The following BRAF variants were observed in gnomAD, a reference collection of about 807,000 sequenced individuals.
BRAF encodes B-Raf proto-oncogene, serine/threonine kinase, also known as serine/threonine-protein kinase B-raf.
Under a neutral mutation model 104.6 loss-of-function variants are expected in BRAF, and 16 were observed. That is an observed-to-expected ratio of 0.15 (90% CI 0.10 to 0.23). The LOEUF is 0.23. BRAF is among the 10% of genes least tolerant of loss of function. The pLI, the probability that BRAF is intolerant of heterozygous loss-of-function variation, is 1.00. For missense variants in BRAF, 541 were observed against 937.3 expected (o/e 0.58, Z 5.52); for synonymous variants, 310 against 341.6 (o/e 0.91, Z 1.02).
chr7:140,780,771 A>C (rs1290830453), intron 12 of BRAF: 1 of 152,168 alleles, frequency 6.6e-6, no homozygotes, highest in Non-Finnish European at 1.5e-5. Flanking sequence ...CATTGATATT[A>C]AACCTTTGAT....
intron 1 of BRAF, among the ~76,000 whole-genome samples, chr7:140,871,145 C>G (rs925640452): frequency 1.4e-5 from 2 of 143,386 alleles, no homozygotes; most frequent in Non-Finnish European, 3.1e-5. Flanking sequence ...GGGAGGGTGA[C>G]GCGGGAGAAT....
intron 18 of BRAF, among the ~76,000 whole-genome samples, chr7:140,736,493 T>A (rs993201556): frequency 2.0e-5 from 3 of 150,348 alleles, no homozygotes; most frequent in Non-Finnish European, 3.0e-5. Context: ...AATGGTGCGA[T>A]CTCGGCTCAC....
At chr7:140,870,584 T>C (rs1811465372) in intron 1 of BRAF, among the ~76,000 whole-genome samples, 1 of 151,624 alleles carries the variant, frequency 6.6e-6, no homozygotes, top group Non-Finnish European at 1.5e-5. Flanking sequence ...TAGCTCTTTT[T>C]ACTTCCAAGT....
chr7:140,818,277 T>C (rs894534182), intron 3 of BRAF, among the ~76,000 whole-genome samples: 1 of 152,064 alleles, frequency 6.6e-6, no homozygotes, highest in Non-Finnish European at 1.5e-5. Flanking sequence ...AGCTGTTTAA[T>C]ATATTGTCCT....
intron 1 of BRAF, among the ~76,000 whole-genome samples, chr7:140,896,670 A>G (rs1023514458): frequency 2.0e-5 from 3 of 152,084 alleles, no homozygotes; most frequent in Non-Finnish European, 4.4e-5. Context: ...GTTCGAGACC[A>G]GCCTGACCAA....
rs1409302232 is a variant in BRAF at position 140,754,354 on chromosome 7, C to T, written c.1815-121G>A. On this transcript the variant is annotated intron_variant, in intron 14 of 19. Transcript: ENST00000644969. ...AATCATGATACAACTGAAAATAGTA[C>T]ATTGTAATAAACCCTTCACAGAATA... 7.3e-6 allele frequency: 6 copies of T among 823,298 alleles called. No individual in the cohort carries two copies. The African/African-American group carries it at 1.0e-4, about 14-fold the overall frequency. The allele number at this position is 823,298 out of a possible 1,614,324, so 51.0% of individuals were successfully genotyped here. A position where few individuals can be genotyped will look rare whatever the true frequency, so the allele number is the denominator to read the frequency against.
At chr7:140,733,062 TTAAC>T (rs1440704958) in intron 19 of BRAF, 3 of 152,236 alleles carry the variant, frequency 2.0e-5, no homozygotes, top group African/African-American at 4.8e-5. Context: ...TTTCATTTTC[TTAAC>T]TAAAGTCATG....
chr7:140,837,023 A>G (rs1807413592), intron 2 of BRAF, among the ~76,000 whole-genome samples: 1 of 152,238 alleles, frequency 6.6e-6, no homozygotes. Flanking sequence ...GACAGATTAT[A>G]AACTATCACT....
rs549135938 is a variant in BRAF at position 140,879,275 on chromosome 7, G to A, written c.139-29063C>T. Among the ~76,000 whole-genome samples the A allele has an allele frequency of 4.8e-4, 72 of 151,064 alleles. 2 individuals are homozygous for A. Among genetic ancestry groups the A allele is most frequent in the Admixed American group, 4.2e-3 (64 of 15,148 alleles). Reference sequence around the variant, plus strand: ...CTGCTCACTGCAACCTCTGCCTCCCGGGTTCAAAAGAGTCTCCTGCCTCAG... The same window carrying A: ...CTGCTCACTGCAACCTCTGCCTCCCAGGTTCAAAAGAGTCTCCTGCCTCAG... On this transcript the variant is annotated intron_variant, in intron 1 of 19. Transcript: ENST00000644969.
In BRAF at chr7:140,834,734, T is replaced by C. The variant is rs543425316; in HGVS notation, c.379A>G (p.Ser127Gly). Residue 127 changes from serine to glycine, a missense_variant, in exon 3 of 20, where the codon AGC (serine) becomes GGC (glycine). Ser to Gly is a moderately conservative substitution (Grantham distance 56, BLOSUM62 0). Around this residue, in one of 10 missense-constraint regions of BRAF, gnomAD observed 86 missense variants for 133.9 expected, o/e 0.64. Coordinates refer to ENST00000644969, the MANE Select transcript of BRAF (RefSeq NM_001374258.1). The part of the protein sequence containing the change: ...MDTVTSSSSS[S>G]LSVLPSSLSV... ...AGAGATGAAGGTAGCACTGAAAGGC[T>C]AGAAGAGGAAGAAGATGTAACGGTA... 9 of 1,614,166 alleles carry C rather than the reference T, an allele frequency of 5.6e-6. No individual in the cohort carries two copies. The East Asian group carries it at 1.6e-4, about 28-fold the overall frequency.
chr7:140,893,075 T>C (rs1814445264), intron 1 of BRAF, among the ~76,000 whole-genome samples: 1 of 152,124 alleles, frequency 6.6e-6, no homozygotes, highest in African/African-American at 2.4e-5. Flanking sequence ...CCTGACTGAA[T>C]GATTGGCTTG....
At chr7:140,728,822 AAAG>A (rs2130842353) in intron 19 of BRAF, among the ~76,000 whole-genome samples, 1 of 152,262 alleles carries the variant, frequency 6.6e-6, no homozygotes, top group African/African-American at 2.4e-5. Context: ...GATTTATAGA[AAAG>A]AAATCTTTAT....
chr7:140,894,788 T>TA (rs938152124), intron 1 of BRAF, among the ~76,000 whole-genome samples: 8 of 151,670 alleles, frequency 5.3e-5, no homozygotes, highest in African/African-American at 1.9e-4. Context: ...ATTAAAAAAA[T>TA]AAAAAAAGAA....
chr7:140,854,046 T>G (rs923334293), intron 1 of BRAF, among the ~76,000 whole-genome samples: 1 of 152,196 alleles, frequency 6.6e-6, no homozygotes, highest in Non-Finnish European at 1.5e-5. Context: ...AATCTTGGTT[T>G]ACTGCAGCTT....
At chr7:140,717,989 A>G (rs899019355), downstream of BRAF, among the ~76,000 whole-genome samples, 10 of 152,146 alleles carry the variant, frequency 6.6e-5, no homozygotes, top group Non-Finnish European at 1.3e-4. Context: ...TTAAGTCTTG[A>G]TAACATTTTA....
At chr7:140,916,375 T>C (rs1817636689) in intron 1 of BRAF, among the ~76,000 whole-genome samples, 2 of 152,200 alleles carry the variant, frequency 1.3e-5, no homozygotes, top group Non-Finnish European at 2.9e-5. Flanking sequence ...AATGATTTAA[T>C]GATGCCCCTA....
intron 14 of BRAF, among the ~76,000 whole-genome samples, chr7:140,764,657 G>A (rs1276766730): frequency 6.6e-6 from 1 of 152,114 alleles, no homozygotes. Context: ...ACCAATAACA[G>A]ACAAACAGAG....
At position 140,724,154 on chromosome 7, in the gene BRAF, ATTGT is replaced by A. The variant is rs556094164; in HGVS notation, c.*2336_*2339del. 7.6e-4 allele frequency: 801 copies of A among 1,055,128 alleles called. 7 individuals carry two copies. In the African/African-American group the frequency reaches 0.012, roughly 16 times the overall value. The allele number at this position is 1,055,128 out of a possible 1,614,324, so 65.4% of individuals were successfully genotyped here. A position where few individuals can be genotyped will look rare whatever the true frequency, so the allele number is the denominator to read the frequency against. ...GAAGAAAAAGTGTATCACCCTGAATATTGTTTAAGAAACTGAAATGCTAAGCTTC... is the reference window on the plus strand; with the variant it reads ...GAAGAAAAAGTGTATCACCCTGAATATTAAGAAACTGAAATGCTAAGCTTC... On this transcript the variant is annotated 3_prime_UTR_variant, in exon 20 of 20. Transcript: ENST00000644969.
At chr7:140,856,385 G>T (rs767799085) in intron 1 of BRAF, among the ~76,000 whole-genome samples, 65 of 152,020 alleles carry the variant, frequency 4.3e-4, no homozygotes, top group Non-Finnish European at 7.2e-4. Flanking sequence ...GAAAAATTCA[G>T]AACATTCCTG....
Sources: gnomAD v4.1 joint callset for allele counts (sites outside exome capture counted in the v4.1 genomes callset) on GRCh38, gnomAD v4.1.1 for gene constraint, gnomAD v4.1.1 regional missense constraint, MANE v1.5 for transcripts, NCBI Gene and HGNC (gene_info 2026-07-23, HGNC 2026-07-21) for gene names.